HIBADH: variants seen among roughly 807,000 people sequenced by gnomAD.
The protein encoded by HIBADH is 3-hydroxyisobutyrate dehydrogenase, mitochondrial.
In HIBADH, 25 loss-of-function variants were observed where a neutral mutation model predicts 36.1. The observed-to-expected ratio is 0.69, with a 90% confidence interval of 0.50 to 0.97. HIBADH has a LOEUF of 0.97. Ranked by LOEUF, HIBADH falls within the 50% of genes least tolerant of loss-of-function variation. The pLI is 0.00. For synonymous variants in HIBADH, 160 were observed against 149.5 expected, an observed-to-expected ratio of 1.07 and a Z score of -0.51; for missense variants, 421 against 418.0, an observed-to-expected ratio of 1.01 and a Z score of -0.06.
intron 4 of HIBADH, among the ~76,000 whole-genome samples, chr7:27,604,073 T>C (rs758948113): frequency 1.3e-5 from 2 of 152,122 alleles, no homozygotes; most frequent in African/African-American, 2.4e-5. Context: ...GAGGTTCCCA[T>C]GGCAACACTC....
intron 4 of HIBADH, among the ~76,000 whole-genome samples, chr7:27,604,382 T>A: frequency 6.6e-6 from 1 of 152,012 alleles, no homozygotes; most frequent in Admixed American, 6.6e-5. Context: ...TAATTATGAA[T>A]AGTAAGTATA....
intron 4 of HIBADH, among the ~76,000 whole-genome samples, chr7:27,591,617 G>A (rs1007901263): frequency 2.0e-5 from 3 of 151,810 alleles, no homozygotes; most frequent in Non-Finnish European, 2.9e-5. Flanking sequence ...AAGAGCGTGG[G>A]AACTTTCATT....
chr7:27,534,315 C>T (rs923976893), intron 6 of HIBADH, among the ~76,000 whole-genome samples: 1 of 152,052 alleles, frequency 6.6e-6, no homozygotes, highest in Non-Finnish European at 1.5e-5. Flanking sequence ...ATGTTTGTAT[C>T]ACAGGAACAG....
intron 1 of HIBADH, among the ~76,000 whole-genome samples, chr7:27,650,948 C>T (rs1040420805): frequency 2.0e-5 from 3 of 152,110 alleles, no homozygotes; most frequent in South Asian, 4.1e-4. Flanking sequence ...AGCTCAGAGA[C>T]AGACACAAGC....
chr7:27,654,594 G>C (rs1027012392), intron 1 of HIBADH, among the ~76,000 whole-genome samples: 8 of 152,040 alleles, frequency 5.3e-5, no homozygotes, highest in African/African-American at 9.7e-5. Flanking sequence ...CAACTATCAA[G>C]CTAGAAATCT....
At chr7:27,617,204 GAT>G (rs1336751067) in intron 4 of HIBADH, among the ~76,000 whole-genome samples, 1 of 152,110 alleles carries the variant, frequency 6.6e-6, no homozygotes, top group South Asian at 2.1e-4. Context: ...TCTAGGTTTA[GAT>G]ATGTTTAGAA....
chr7:27,541,185 C>T (rs553734102), intron 5 of HIBADH, among the ~76,000 whole-genome samples: 96 of 150,582 alleles, frequency 6.4e-4, no homozygotes, highest in African/African-American at 2.2e-3. Flanking sequence ...ATTAAAAACT[C>T]ATTCAGGCAG....
chr7:27,646,988 G>A (rs781646058), intron 2 of HIBADH, among the ~76,000 whole-genome samples: 3 of 151,978 alleles, frequency 2.0e-5, no homozygotes, highest in Non-Finnish European at 4.4e-5. Context: ...AAGACACTGC[G>A]CCCAGCCAGT....
chr7:27,580,404 C>A (rs1349248635), intron 4 of HIBADH, among the ~76,000 whole-genome samples: 1 of 152,050 alleles, frequency 6.6e-6, no homozygotes, highest in Non-Finnish European at 1.5e-5. Context: ...TTCCCAATAA[C>A]AACAACAACA....
intron 1 of HIBADH, among the ~76,000 whole-genome samples, chr7:27,658,069 T>TA (rs1786339436): frequency 6.6e-6 from 1 of 152,124 alleles, no homozygotes; most frequent in Admixed American, 6.5e-5. Flanking sequence ...TATAGATGAC[T>TA]GTAGGAGAAG....
At chr7:27,559,581 A>G (rs1332290352) in intron 4 of HIBADH, among the ~76,000 whole-genome samples, 1 of 152,126 alleles carries the variant, frequency 6.6e-6, no homozygotes, top group African/African-American at 2.4e-5. Context: ...GCAGTGAGGT[A>G]TGATCACTCC....
chr7:27,586,156 C>T (rs1291776690), intron 4 of HIBADH, among the ~76,000 whole-genome samples: 1 of 152,168 alleles, frequency 6.6e-6, no homozygotes, highest in Non-Finnish European at 1.5e-5. Flanking sequence ...CCAATTTCTA[C>T]AAAAGCAAAT....
chr7:27,575,871 T>C (rs1191289193), intron 4 of HIBADH, among the ~76,000 whole-genome samples: 1 of 152,222 alleles, frequency 6.6e-6, no homozygotes, highest in Non-Finnish European at 1.5e-5. Context: ...AAGACAGCCA[T>C]CTGCTCGCAG....
rs144462991 is a variant in HIBADH at position 27,643,392 on chromosome 7, A to G, written c.252+6081T>C. Among the ~76,000 whole-genome samples, 807 of 152,360 alleles carry G rather than the reference A, an allele frequency of 5.3e-3. 4 individuals carry two copies. Among genetic ancestry groups the G allele is most frequent in the Middle Eastern group, 0.017 (5 of 294 alleles). On this transcript the variant is annotated intron_variant, in intron 2 of 7. Transcript: ENST00000265395. Reference sequence around the variant, plus strand: ...AGAGGTGAAACTAAGGCACACAGAAACTAATTTATAGTTAACATTAACATA... The same window carrying G: ...AGAGGTGAAACTAAGGCACACAGAAGCTAATTTATAGTTAACATTAACATA...
At chr7:27,609,214 G>A (rs1293944034) in intron 4 of HIBADH, among the ~76,000 whole-genome samples, 1 of 152,164 alleles carries the variant, frequency 6.6e-6, no homozygotes, top group African/African-American at 2.4e-5. Context: ...ACAAACTGCT[G>A]GAGCTGCCTC....
In HIBADH at chr7:27,654,697, G is replaced by GTT. The variant is rs11386502; in HGVS notation, c.92-5066_92-5065dup. On this transcript the variant is annotated intron_variant, in intron 1 of 7. Coordinates refer to ENST00000265395, the MANE Select transcript of HIBADH (RefSeq NM_152740.4). ...ATGGATATGTTTACCATTTTTTTGT[G>GTT]TTTTTTTTTTGGACAGGGTCTCACT... 7.1e-4 allele frequency among the ~76,000 whole-genome samples: 104 copies of GTT among 147,282 alleles called. No homozygotes were observed. The Middle Eastern group carries it at 0.011, about 15-fold the overall frequency.
chr7:27,569,057 T>C (rs1005128), intron 4 of HIBADH, among the ~76,000 whole-genome samples: 115,454 of 151,990 alleles, frequency 0.76, 44,283 homozygotes, highest in East Asian at 0.94. Context: ...TCTGATTAGA[T>C]AATTTCCATT....
intron 4 of HIBADH, among the ~76,000 whole-genome samples, chr7:27,543,740 A>T (rs143070784): frequency 6.6e-6 from 1 of 152,242 alleles, no homozygotes; most frequent in East Asian, 1.9e-4. Context: ...CCTGCTATAC[A>T]TCTTTTGGGC....
At chr7:27,542,759 G>T (rs1037864007) in intron 5 of HIBADH, among the ~76,000 whole-genome samples, 1 of 151,986 alleles carries the variant, frequency 6.6e-6, no homozygotes, top group Non-Finnish European at 1.5e-5. Flanking sequence ...GCCAATAATG[G>T]AAGTTTTTTA....
Sources: gnomAD v4.1 joint callset for allele counts (sites outside exome capture counted in the v4.1 genomes callset) on GRCh38, gnomAD v4.1.1 for gene constraint, MANE v1.5 for transcripts, NCBI Gene and HGNC (gene_info 2026-07-23, HGNC 2026-07-21) for gene names.